The following ZNF680 variants were observed in gnomAD, a reference collection of about 807,000 sequenced individuals.
ZNF680 encodes hypothetical protein FLJ90430.
ZNF680 carries 6 observed loss-of-function variants against 12.1 expected under a neutral mutation model. That is an observed-to-expected ratio of 0.49 (90% CI 0.27 to 0.98). The LOEUF is 0.98. Ranked by LOEUF, ZNF680 falls within the 50% of genes least tolerant of loss-of-function variation. The pLI, the probability that ZNF680 is intolerant of heterozygous loss-of-function variation, is 0.12. For missense variants in ZNF680, 561 were observed against 616.3 expected, an observed-to-expected ratio of 0.91 and a Z score of 0.95; for synonymous variants, 170 against 199.3, an observed-to-expected ratio of 0.85 and a Z score of 1.24.
At chr7:64,547,132 AAATCACTTGAT>A (rs201353987) in intron 1 of ZNF680, among the ~76,000 whole-genome samples, 1,728 of 152,330 alleles carry the variant, frequency 0.011, 27 homozygotes, top group Middle Eastern at 0.044. Flanking sequence ...ATGAGCTTAT[AAATCACTTGAT>A]AATTTTGGTC....
At chr7:64,558,967 A>G (rs1457003105) in intron 1 of ZNF680, among the ~76,000 whole-genome samples, 2 of 152,078 alleles carry the variant, frequency 1.3e-5, no homozygotes, top group African/African-American at 4.8e-5. Flanking sequence ...GGGTGGGGGA[A>G]ACAAGAGGGA....
At chr7:64,536,434 A>G (rs558744315) in intron 3 of ZNF680, among the ~76,000 whole-genome samples, 2 of 152,304 alleles carry the variant, frequency 1.3e-5, no homozygotes, top group Admixed American at 6.5e-5. Context: ...ACATGGTAAG[A>G]GACAGAGCAA....
chr7:64,561,465 T>C (rs535692573), intron 1 of ZNF680, among the ~76,000 whole-genome samples: 16 of 152,224 alleles, frequency 1.1e-4, no homozygotes, highest in Admixed American at 3.3e-4. Flanking sequence ...TCTGATAAGA[T>C]CTCTGTGCCT....
chr7:64,531,318 G>A (rs941710076), intron 3 of ZNF680, among the ~76,000 whole-genome samples: 9 of 151,940 alleles, frequency 5.9e-5, no homozygotes, highest in African/African-American at 1.5e-4. Context: ...GAAATCAGCC[G>A]GGCGCAGTGA....
At chr7:64,519,428 A>AT (rs1475106459), downstream of ZNF680, among the ~76,000 whole-genome samples, 1 of 151,878 alleles carries the variant, frequency 6.6e-6, no homozygotes, top group African/African-American at 2.4e-5. Flanking sequence ...TAGTGTGGAG[A>AT]TTTTTTTAAA....
downstream of ZNF680, among the ~76,000 whole-genome samples, chr7:64,514,986 T>C (rs909217615): frequency 6.6e-6 from 1 of 151,778 alleles, no homozygotes; most frequent in Non-Finnish European, 1.5e-5. Context: ...GAGGTTGCAG[T>C]GAGCCAAGAT....
chr7:64,503,544 C>A, the ZNF680 span, among the ~76,000 whole-genome samples: 2 of 152,240 alleles, frequency 1.3e-5, no homozygotes, highest in Non-Finnish European at 2.9e-5. Flanking sequence ...CCACACCCAG[C>A]TAATTTTTGT....
rs752898060 is a variant in ZNF680 at position 64,544,435 on chromosome 7, GAA to G, written c.31-5_31-4del. 17 of 1,559,298 alleles carry G rather than the reference GAA, an allele frequency of 1.1e-5. No homozygotes were observed. Among genetic ancestry groups the G allele is most frequent in the Admixed American group, 3.6e-5 (2 of 55,376 alleles). On this transcript the variant is annotated splice_region_variant and splice_polypyrimidine_tract_variant and intron_variant, in intron 1 of 3. Coordinates refer to ENST00000309683, the MANE Select transcript of ZNF680 (RefSeq NM_178558.5). The stretch of plus-strand genomic sequence containing the variant: ...ACATCCCTAAATGTCAGTGGTCCCT[GAA>G]AAACACACACACACACACACACACA...
At chr7:64,528,033 C>A (rs967153107) in intron 3 of ZNF680, among the ~76,000 whole-genome samples, 1 of 152,298 alleles carries the variant, frequency 6.6e-6, no homozygotes, top group Non-Finnish European at 1.5e-5. Flanking sequence ...AACATGCACC[C>A]CCACTGGGGA....
intron 3 of ZNF680, among the ~76,000 whole-genome samples, chr7:64,536,710 GAA>G (rs1265819498): frequency 3.8e-4 from 58 of 152,306 alleles, no homozygotes; most frequent in African/African-American, 1.3e-3. Context: ...AAAAGCAACA[GAA>G]TATATGATAT....
intron 1 of ZNF680, among the ~76,000 whole-genome samples, chr7:64,556,671 G>A (rs577974159): frequency 6.6e-6 from 1 of 152,190 alleles, no homozygotes; most frequent in South Asian, 2.1e-4. Context: ...ACATACAATT[G>A]TAAAAAACCC....
intron 1 of ZNF680, among the ~76,000 whole-genome samples, chr7:64,556,879 A>C (rs9986813): frequency 0.026 from 3,950 of 152,352 alleles, 179 homozygotes; most frequent in African/African-American, 0.09. Flanking sequence ...CAACCTACAC[A>C]ATAAAAAGAA....
At chr7:64,562,503 C>T (rs1485719989) in intron 1 of ZNF680, among the ~76,000 whole-genome samples, 1 of 152,176 alleles carries the variant, frequency 6.6e-6, no homozygotes, top group Non-Finnish European at 1.5e-5. Context: ...TAGCTGGGTG[C>T]TCTACGATTT....
At chr7:64,526,321 G>A in intron 3 of ZNF680, 1 of 1,198,290 alleles carries the variant, frequency 8.3e-7, no homozygotes, top group Non-Finnish European at 1.0e-6. Context: ...TTTAAAAACA[G>A]ATAAAAATAA....
At chr7:64,555,076 A>G (rs1380046445) in intron 1 of ZNF680, among the ~76,000 whole-genome samples, 1 of 152,240 alleles carries the variant, frequency 6.6e-6, no homozygotes, top group Non-Finnish European at 1.5e-5. Context: ...TTCTGACACA[A>G]TAATAGTGGG....
At chr7:64,508,952 A>C in the ZNF680 span, among the ~76,000 whole-genome samples, 82 of 152,212 alleles carry the variant, frequency 5.4e-4, 1 homozygote, top group African/African-American at 1.9e-3. Context: ...TTTCAGTCTA[A>C]ATTTTCTAGT....
downstream of ZNF680, among the ~76,000 whole-genome samples, chr7:64,517,839 A>G (rs1192432024): frequency 1.3e-5 from 2 of 152,090 alleles, no homozygotes; most frequent in African/African-American, 4.8e-5. Context: ...ATGAACAATG[A>G]TCATCTCAAT....
At chr7:64,562,370 A>C (rs545500340) in intron 1 of ZNF680, among the ~76,000 whole-genome samples, 28 of 152,262 alleles carry the variant, frequency 1.8e-4, no homozygotes, top group African/African-American at 6.7e-4. Flanking sequence ...TTCCACTTTG[A>C]TCTTACAAAT....
At chr7:64,562,702 G>T (rs1004494621) in intron 1 of ZNF680, among the ~76,000 whole-genome samples, 12 of 152,228 alleles carry the variant, frequency 7.9e-5, no homozygotes, top group African/African-American at 2.9e-4. Flanking sequence ...CCAGGCCAAG[G>T]CACAGTCACT....
Sources: gnomAD v4.1 joint callset for allele counts (sites outside exome capture counted in the v4.1 genomes callset) on GRCh38, gnomAD v4.1.1 for gene constraint, MANE v1.5 for transcripts, NCBI Gene and HGNC (gene_info 2026-07-23, HGNC 2026-07-21) for gene names.